Variants in TDRD3 observed in about 807,000 individuals in gnomAD.
TDRD3 encodes the protein tudor domain-containing protein 3.
Under a neutral mutation model 86.7 loss-of-function variants are expected in TDRD3, and 45 were observed. The ratio of observed to expected loss-of-function variants is 0.52; its 90% confidence interval spans 0.41 to 0.67. The LOEUF (loss-of-function observed/expected upper bound fraction) is 0.67. Ranked by LOEUF, TDRD3 falls within the 30% of genes least tolerant of loss-of-function variation. TDRD3 has a pLI of 0.00. For missense variants in TDRD3, 814 were observed against 889.0 expected (o/e 0.92, Z 1.07); for synonymous variants, 298 against 301.7 (o/e 0.99, Z 0.13).
chr13:60,408,364 G>A (rs1471887018), intron 1 of TDRD3, among the ~76,000 whole-genome samples: 1 of 152,232 alleles, frequency 6.6e-6, no homozygotes, highest in Admixed American at 6.5e-5. Flanking sequence ...ACCCAAAAAT[G>A]TGGAAGCAGC....
intron 5 of TDRD3, among the ~76,000 whole-genome samples, chr13:60,475,631 A>G (rs1956168117): frequency 6.6e-6 from 1 of 152,178 alleles, no homozygotes; most frequent in African/African-American, 2.4e-5. Flanking sequence ...ACTGTTTTCC[A>G]CAGTGGCTGG....
intron 10 of TDRD3, among the ~76,000 whole-genome samples, chr13:60,525,615 A>G (rs573642055): frequency 2.0e-5 from 3 of 152,344 alleles, no homozygotes; most frequent in African/African-American, 7.2e-5. Context: ...CATCATCATC[A>G]ATTCAGTAAC....
intron 1 of TDRD3, among the ~76,000 whole-genome samples, chr13:60,416,080 T>C (rs573600152): frequency 5.1e-4 from 78 of 152,306 alleles, no homozygotes; most frequent in South Asian, 1.5e-3. Context: ...GTTGGATGGC[T>C]CAAAAATTGT....
intron 3 of TDRD3, among the ~76,000 whole-genome samples, chr13:60,453,234 G>A (rs569336654): frequency 1.2e-4 from 18 of 152,180 alleles, no homozygotes; most frequent in African/African-American, 4.1e-4. Context: ...TTACTGAAGG[G>A]TAACATACAT....
intron 2 of TDRD3, among the ~76,000 whole-genome samples, chr13:60,440,236 G>A (rs1257167877): frequency 6.6e-6 from 1 of 151,468 alleles, no homozygotes; most frequent in East Asian, 1.9e-4. Flanking sequence ...AGCAAAATAA[G>A]AAAATTAAAT....
chr13:60,403,547 C>T (rs1566166258), intron 1 of TDRD3, among the ~76,000 whole-genome samples: 1 of 152,102 alleles, frequency 6.6e-6, no homozygotes, highest in Non-Finnish European at 1.5e-5. Flanking sequence ...TTGAGAAACA[C>T]TTGTGAAGTC....
intron 7 of TDRD3, among the ~76,000 whole-genome samples, chr13:60,491,010 G>A (rs978872553): frequency 8.6e-5 from 13 of 151,938 alleles, no homozygotes; most frequent in South Asian, 2.1e-4. Flanking sequence ...CCAGCTACTC[G>A]GGAGCCTGAG....
At chr13:60,434,840 C>T (rs895352858) in intron 1 of TDRD3, among the ~76,000 whole-genome samples, 1 of 152,082 alleles carries the variant, frequency 6.6e-6, no homozygotes, top group African/African-American at 2.4e-5. Flanking sequence ...TCAAGGTCCA[C>T]CAGGTGGGTG....
intron 7 of TDRD3, among the ~76,000 whole-genome samples, chr13:60,490,050 GTTTT>G (rs11397531): frequency 4.5e-5 from 5 of 111,042 alleles, no homozygotes; most frequent in African/African-American, 7.0e-5. Flanking sequence ...AAGCATCTTA[GTTTT>G]TTTTTTTTTT....
intron 1 of TDRD3, among the ~76,000 whole-genome samples, chr13:60,418,990 T>C (rs9592049): frequency 0.077 from 11,694 of 152,294 alleles, 631 homozygotes; most frequent in Non-Finnish European, 0.12. Flanking sequence ...TTTTTGGTTA[T>C]TATGAATAAG....
intron 1 of TDRD3, among the ~76,000 whole-genome samples, chr13:60,431,132 A>G (rs1954944310): frequency 6.6e-6 from 1 of 152,138 alleles, no homozygotes; most frequent in East Asian, 1.9e-4. Flanking sequence ...AGTGATCTTT[A>G]TATCAAACAC....
chr13:60,467,100 C>A, intron 4 of TDRD3, 138 bp from the exon 5 acceptor site: 3 of 884,544 alleles, frequency 3.4e-6, no homozygotes, highest in Non-Finnish European at 3.4e-6. Context: ...TTAAGCCCAG[C>A]ATGCATTAGC....
chr13:60,414,798 T>C (rs1172370052), intron 1 of TDRD3, among the ~76,000 whole-genome samples: 1 of 152,146 alleles, frequency 6.6e-6, no homozygotes, highest in Non-Finnish European at 1.5e-5. Context: ...CTAGGGCAGA[T>C]AGAAATCCTT....
intron 1 of TDRD3, among the ~76,000 whole-genome samples, chr13:60,398,247 T>C (rs149901267): frequency 4.9e-4 from 74 of 152,288 alleles, no homozygotes; most frequent in African/African-American, 9.1e-4. Context: ...TGAAAAAGAT[T>C]TGCAACGGCT....
chr13:60,529,139 A>G lies in TDRD3; in HGVS notation c.1914A>G (p.Glu638=). The G allele has an allele frequency of 1.2e-6, 2 of 1,613,940 alleles. No homozygotes were observed. Among genetic ancestry groups the G allele is most frequent in the Non-Finnish European group, 1.7e-6 (2 of 1,179,898 alleles). The change falls in exon 11 of 14, where the codon GAA becomes GAG. Residue 638 remains glutamate, a synonymous_variant. Coordinates refer to ENST00000377881, the MANE Select transcript of TDRD3 (RefSeq NM_001146070.2). ...CAATTAAGCCAGAAAAAATACTAGA[A>G]TCATCTATTCCTATGGAGTATGCAA... is the stretch of plus-strand genomic sequence containing the variant. ...SGPIKPEKIL[E]SSIPMEYAKM... is the part of the protein sequence containing the mutation.
upstream of TDRD3, chr13:60,396,545 CA>C (rs1953914007): frequency 6.5e-6 from 1 of 152,686 alleles, no homozygotes; most frequent in South Asian, 2.1e-4. Flanking sequence ...AGTACAGAGC[CA>C]AGGTGGCAGG....
chr13:60,528,370 C>A lies in TDRD3; in HGVS notation c.1145C>A (p.Pro382His). Reference sequence around the variant, plus strand: ...ATGGTATACTTTTACCTTTCAGAACCTAAATCACAGCCACAGCAGCTTCAT... The same window carrying A: ...ATGGTATACTTTTACCTTTCAGAACATAAATCACAGCCACAGCAGCTTCAT... ...SKMGTLNVEEPKSQPQQLHQG... is the reference protein window; with the variant it reads ...SKMGTLNVEEHKSQPQQLHQG... Residue 382 changes from proline (P) to histidine (H), a missense_variant, in exon 11 of 14, where the codon CCT (proline) becomes CAT (histidine). Physicochemically the swap from Pro to His is moderately conservative, Grantham distance 77 (BLOSUM62 -2). Transcript: ENST00000377881. The A allele has an allele frequency of 1.3e-6, 2 of 1,598,238 alleles. No homozygotes were observed. The highest frequency in any genetic ancestry group is 1.7e-6 in the Non-Finnish European group (2 of 1,172,076).
chr13:60,514,374 C>G (rs1957124829), intron 10 of TDRD3, among the ~76,000 whole-genome samples: 1 of 152,200 alleles, frequency 6.6e-6, no homozygotes, highest in African/African-American at 2.4e-5. Flanking sequence ...TTTGGGTTCT[C>G]AGGGACACCT....
At chr13:60,537,326 A>G (rs1318614830) in intron 12 of TDRD3, 2 of 152,078 alleles carry the variant, frequency 1.3e-5, no homozygotes, top group African/African-American at 4.8e-5. Context: ...TGAGAGAAAT[A>G]TCTCCTCGAA....
Sources: allele counts gnomAD v4.1 joint callset (sites outside exome capture counted in the v4.1 genomes callset), GRCh38; gene constraint gnomAD v4.1.1; transcripts MANE v1.5; gene names NCBI Gene and HGNC (gene_info 2026-07-23, HGNC 2026-07-21).